TMTC2: variants seen among roughly 807,000 people sequenced by gnomAD.
TMTC2 encodes the protein transmembrane O-mannosyltransferase targeting cadherins 2, also known as protein O-mannosyl-transferase TMTC2.
TMTC2 carries 43 observed loss-of-function variants against 82.4 expected under a neutral mutation model. The ratio of observed to expected loss-of-function variants is 0.52; its 90% CI spans 0.41 to 0.67. The LOEUF is 0.67. Among genes scored for constraint, TMTC2 ranks in the 30% least tolerant of loss-of-function variants. TMTC2 has a pLI of 0.00. For missense variants in TMTC2, 919 were observed against 1,012.4 expected, an observed-to-expected ratio of 0.91 and a Z score of 1.25; for synonymous variants, 408 against 381.9, an observed-to-expected ratio of 1.07 and a Z score of -0.80.
At chr12:83,130,040 TTC>T (rs1885215364) in intron 11 of TMTC2, among the ~76,000 whole-genome samples, 1 of 152,210 alleles carries the variant, frequency 6.6e-6, no homozygotes, top group African/African-American at 2.4e-5. Flanking sequence ...GCCATCTGTT[TTC>T]TCTCAACCTC....
intron 11 of TMTC2, among the ~76,000 whole-genome samples, chr12:83,129,111 T>TA (rs1181304204): frequency 5.3e-5 from 8 of 152,168 alleles, no homozygotes; most frequent in African/African-American, 1.9e-4. Flanking sequence ...GTTTTTGAAA[T>TA]AAAAAATTTT....
intron 1 of TMTC2, among the ~76,000 whole-genome samples, chr12:82,823,558 T>A (rs1218020276): frequency 6.6e-6 from 1 of 152,232 alleles, no homozygotes; most frequent in Non-Finnish European, 1.5e-5. Context: ...TATTTCTAAG[T>A]GTTAGTAGAC....
intron 3 of TMTC2, among the ~76,000 whole-genome samples, chr12:82,909,408 C>G (rs1198483113): frequency 6.6e-6 from 1 of 152,078 alleles, no homozygotes; most frequent in African/African-American, 2.4e-5. Context: ...GGTGCGATCT[C>G]GGATCACTGC....
intron 3 of TMTC2, among the ~76,000 whole-genome samples, chr12:82,917,191 A>G (rs1875046870): frequency 2.0e-5 from 3 of 152,146 alleles, no homozygotes; most frequent in Admixed American, 1.3e-4. Context: ...AAAAACAGCA[A>G]CAACACATTC....
chr12:83,118,566 G>C (rs375449958), intron 11 of TMTC2, among the ~76,000 whole-genome samples: 3 of 152,176 alleles, frequency 2.0e-5, no homozygotes, highest in African/African-American at 7.2e-5. Context: ...TGTTGGATTC[G>C]GTTAGCTAGT....
intron 1 of TMTC2, among the ~76,000 whole-genome samples, chr12:82,755,215 A>G (rs1876234986): frequency 6.6e-6 from 1 of 152,186 alleles, no homozygotes; most frequent in African/African-American, 2.4e-5. Flanking sequence ...GCTGTTCAGG[A>G]TGTCTGTTTC....
chr12:82,772,452 T>A (rs968611257), intron 1 of TMTC2, among the ~76,000 whole-genome samples: 2 of 152,218 alleles, frequency 1.3e-5, no homozygotes, highest in African/African-American at 4.8e-5. Flanking sequence ...AATTTTTTTT[T>A]ATAATTCTAT....
intron 1 of TMTC2, among the ~76,000 whole-genome samples, chr12:82,725,608 C>A (rs966894132): frequency 6.6e-6 from 1 of 152,128 alleles, no homozygotes; most frequent in Non-Finnish European, 1.5e-5. Context: ...CATGACACAG[C>A]CCACAGTCCT....
At chr12:82,802,904 A>G (rs1238276026) in intron 1 of TMTC2, among the ~76,000 whole-genome samples, 9 of 152,188 alleles carry the variant, frequency 5.9e-5, no homozygotes, top group African/African-American at 1.7e-4. Flanking sequence ...GACACATTCA[A>G]GGAGCTTCTG....
At chr12:82,817,550 G>T (rs1203535877) in intron 1 of TMTC2, among the ~76,000 whole-genome samples, 2 of 151,308 alleles carry the variant, frequency 1.3e-5, no homozygotes, top group African/African-American at 2.5e-5. Context: ...GGAATAAAAG[G>T]ATCACTTTGT....
intron 1 of TMTC2, among the ~76,000 whole-genome samples, chr12:82,851,903 C>CA (rs879483505): frequency 0.024 from 2,899 of 118,558 alleles, 51 homozygotes; most frequent in African/African-American, 0.066. Context: ...GGTCACGAGA[C>CA]AAAAAAAAAA....
At chr12:82,791,530 C>A (rs1878471273) in intron 1 of TMTC2, among the ~76,000 whole-genome samples, 1 of 152,036 alleles carries the variant, frequency 6.6e-6, no homozygotes, top group African/African-American at 2.4e-5. Flanking sequence ...TGATAAATAC[C>A]AACTTCAGAA....
chr12:82,709,247 C>A (rs1873516399), intron 1 of TMTC2, among the ~76,000 whole-genome samples: 1 of 152,130 alleles, frequency 6.6e-6, no homozygotes, highest in African/African-American at 2.4e-5. Flanking sequence ...TTGCCTACTG[C>A]AGAGTTATAT....
intron 11 of TMTC2, among the ~76,000 whole-genome samples, chr12:83,071,294 A>G (rs1427413808): frequency 6.6e-6 from 1 of 151,584 alleles, no homozygotes; most frequent in Non-Finnish European, 1.5e-5. Flanking sequence ...AGCTGGGACT[A>G]CAGGCAACTG....
intron 4 of TMTC2, among the ~76,000 whole-genome samples, chr12:82,942,885 G>A (rs1391354029): frequency 1.3e-5 from 2 of 152,010 alleles, no homozygotes; most frequent in Non-Finnish European, 1.5e-5. Flanking sequence ...TTCTATTGCA[G>A]GTTTTATGCT....
intron 3 of TMTC2, among the ~76,000 whole-genome samples, chr12:82,920,995 T>G (rs904553954): frequency 6.6e-6 from 1 of 152,142 alleles, no homozygotes; most frequent in East Asian, 1.9e-4. Context: ...TGTAAAACAT[T>G]TGATATACTA....
chr12:82,929,604 A>G (rs910943539), intron 3 of TMTC2, among the ~76,000 whole-genome samples: 1 of 152,082 alleles, frequency 6.6e-6, no homozygotes, highest in Non-Finnish European at 1.5e-5. Context: ...CTCAACACAC[A>G]TGACCCTTCT....
At chr12:82,942,510 A>G (rs1021282114) in intron 4 of TMTC2, among the ~76,000 whole-genome samples, 3 of 152,202 alleles carry the variant, frequency 2.0e-5, no homozygotes, top group Non-Finnish European at 4.4e-5. Flanking sequence ...TAAGAATATA[A>G]ATAGCCTTTT....
intron 6 of TMTC2, among the ~76,000 whole-genome samples, chr12:82,966,235 G>A (rs1468949188): frequency 5.1e-4 from 78 of 152,070 alleles, no homozygotes; most frequent in Non-Finnish European, 1.2e-4. Flanking sequence ...GAAATAAAAT[G>A]TAATTTTATT....
Sources: allele counts gnomAD v4.1 joint callset (sites outside exome capture counted in the v4.1 genomes callset), GRCh38; gene constraint gnomAD v4.1.1; transcripts MANE v1.5; gene names NCBI Gene and HGNC (gene_info 2026-07-23, HGNC 2026-07-21).